LMBR1: variants seen among roughly 807,000 people sequenced by gnomAD.
LMBR1 encodes the protein limb development membrane protein 1.
A neutral mutation model predicts 73.9 loss-of-function variants in LMBR1; 52 were observed. The ratio of observed to expected loss-of-function variants is 0.70; its 90% CI spans 0.56 to 0.89. LMBR1 has a LOEUF of 0.89. Among genes scored for constraint, LMBR1 ranks in the 40% least tolerant of loss-of-function variants. LMBR1 has a pLI of 0.00. For missense variants in LMBR1, 539 were observed against 579.8 expected (o/e 0.93, Z 0.72); for synonymous variants, 215 against 209.4 (o/e 1.03, Z -0.23).
At chr7:156,852,765 G>A (rs1205947572) in intron 1 of LMBR1, among the ~76,000 whole-genome samples, 1 of 152,156 alleles carries the variant, frequency 6.6e-6, no homozygotes, top group African/African-American at 2.4e-5. Context: ...CAGAGATGCT[G>A]TTAAAATCCC....
At chr7:156,875,313 G>A (rs1254928209) in intron 1 of LMBR1, among the ~76,000 whole-genome samples, 1 of 152,188 alleles carries the variant, frequency 6.6e-6, no homozygotes, top group Non-Finnish European at 1.5e-5. Flanking sequence ...CAAGAAGTTT[G>A]GGATTACGTT....
At chr7:156,729,755 G>A (rs1416729000) in intron 10 of LMBR1, among the ~76,000 whole-genome samples, 3 of 152,314 alleles carry the variant, frequency 2.0e-5, no homozygotes, top group Admixed American at 6.5e-5. Context: ...TTACAGGCGT[G>A]AGCCACTGCG....
At chr7:156,827,968 G>A (rs1043486111) in intron 3 of LMBR1, among the ~76,000 whole-genome samples, 3 of 152,174 alleles carry the variant, frequency 2.0e-5, no homozygotes, top group Admixed American at 1.3e-4. Flanking sequence ...CGCATTTCCT[G>A]GGAAAAGCCC....
downstream of LMBR1, chr7:156,676,789 GA>G: frequency 1.5e-6 from 1 of 659,248 alleles, no homozygotes; most frequent in Non-Finnish European, 2.6e-6. Context: ...GTAGTTGTAG[GA>G]AATCTTAGTA....
chr7:156,859,201 T>C (rs1215330099), intron 1 of LMBR1, among the ~76,000 whole-genome samples: 1 of 150,640 alleles, frequency 6.6e-6, no homozygotes, highest in African/African-American at 2.4e-5. Flanking sequence ...TGAGCCGAGA[T>C]TGCGCCATTG....
chr7:156,839,980 T>C (rs1035608596), intron 1 of LMBR1, among the ~76,000 whole-genome samples: 1 of 152,164 alleles, frequency 6.6e-6, no homozygotes, highest in African/African-American at 2.4e-5. Context: ...TTGTTTACAA[T>C]GGAATGAAGT....
chr7:156,820,143 C>T, intron 4 of LMBR1, among the ~76,000 whole-genome samples: 1 of 152,226 alleles, frequency 6.6e-6, no homozygotes, highest in South Asian at 2.1e-4. Flanking sequence ...TATCGTTAAG[C>T]TTAACTAGGT....
At chr7:156,874,376 G>A (rs916824202) in intron 1 of LMBR1, among the ~76,000 whole-genome samples, 3 of 152,174 alleles carry the variant, frequency 2.0e-5, no homozygotes, top group Non-Finnish European at 4.4e-5. Flanking sequence ...GCTCCCGCTC[G>A]TGCCTCTCCC....
At chr7:156,868,240 C>T (rs978071283) in intron 1 of LMBR1, among the ~76,000 whole-genome samples, 1 of 149,066 alleles carries the variant, frequency 6.7e-6, no homozygotes, top group African/African-American at 2.5e-5. Flanking sequence ...GTCGCCCAGG[C>T]TGGAGTGCAG....
chr7:156,759,197 G>T (rs563432056), intron 8 of LMBR1, among the ~76,000 whole-genome samples: 2 of 152,190 alleles, frequency 1.3e-5, no homozygotes, highest in Admixed American at 6.5e-5. Context: ...CAAAAGTTTC[G>T]ACCAGTGTTT....
chr7:156,851,475 A>T (rs969285780), intron 1 of LMBR1, among the ~76,000 whole-genome samples: 1 of 152,184 alleles, frequency 6.6e-6, no homozygotes, highest in African/African-American at 2.4e-5. Context: ...GTCATCAATA[A>T]TATTATACTT....
intron 13 of LMBR1, 89 bp from the exon 14 acceptor site, chr7:156,725,614 A>G (rs1815576440): frequency 4.1e-6 from 5 of 1,223,718 alleles, no homozygotes; most frequent in Non-Finnish European, 5.8e-6. Flanking sequence ...GCCCATAGGA[A>G]AAGCAAAACA....
downstream of LMBR1, chr7:156,676,485 C>T (rs2302146): frequency 0.36 from 587,276 of 1,613,212 alleles, 109,620 homozygotes; most frequent in African/African-American, 0.5. Context: ...TGGCGGTCAG[C>T]GCGTGGGTGC....
chr7:156,673,983 C>A (rs1327220357), downstream of LMBR1, among the ~76,000 whole-genome samples: 1 of 152,028 alleles, frequency 6.6e-6, no homozygotes, highest in Non-Finnish European at 1.5e-5. Flanking sequence ...CAGTCATGGA[C>A]CATCCAAAAT....
At chr7:156,869,215 T>A (rs1798913301) in intron 1 of LMBR1, among the ~76,000 whole-genome samples, 1 of 152,192 alleles carries the variant, frequency 6.6e-6, no homozygotes, top group South Asian at 2.1e-4. Context: ...TACCAAGGTG[T>A]TCAGGAAATT....
At chr7:156,764,981 C>T (rs1469891851) in intron 5 of LMBR1, among the ~76,000 whole-genome samples, 1 of 152,194 alleles carries the variant, frequency 6.6e-6, no homozygotes, top group African/African-American at 2.4e-5. Flanking sequence ...TGAGAGTCAG[C>T]TCACCTTAAG....
intron 1 of LMBR1, among the ~76,000 whole-genome samples, chr7:156,886,686 C>T (rs936373803): frequency 3.3e-5 from 5 of 152,142 alleles, no homozygotes; most frequent in African/African-American, 1.2e-4. Context: ...TATCTGGAGG[C>T]CAGTGCTTGT....
chr7:156,753,782 G>C (rs1485981178), intron 9 of LMBR1, among the ~76,000 whole-genome samples: 1 of 152,154 alleles, frequency 6.6e-6, no homozygotes, highest in Non-Finnish European at 1.5e-5. Flanking sequence ...CGAGATCACA[G>C]TGAGCTCTGT....
chr7:156,694,369 G>T (rs995242052), intron 15 of LMBR1, among the ~76,000 whole-genome samples: 1 of 151,500 alleles, frequency 6.6e-6, no homozygotes, highest in Non-Finnish European at 1.5e-5. Context: ...CTGGACTCAA[G>T]CTATCCACCC....
Sources: allele counts gnomAD v4.1 joint callset (sites outside exome capture counted in the v4.1 genomes callset), GRCh38; gene constraint gnomAD v4.1.1; transcripts MANE v1.5; gene names NCBI Gene and HGNC (gene_info 2026-07-23, HGNC 2026-07-21).